Variants in LEAP2 observed in about 807,000 individuals in gnomAD.
LEAP2 encodes liver enriched antimicrobial peptide 2.
In LEAP2, 13 loss-of-function variants were observed where a neutral mutation model predicts 9.3. The ratio of observed to expected loss-of-function variants is 1.39; its 90% CI spans 0.91 to 2.21. The LOEUF (loss-of-function observed/expected upper bound fraction) is 2.21. Ranked by LOEUF, LEAP2 falls within the 30% of genes most tolerant of loss-of-function variation. The pLI, the probability that LEAP2 is intolerant of heterozygous loss-of-function variation, is 0.00. For missense variants in LEAP2, 98 were observed against 94.0 expected (o/e 1.04, Z -0.17); for synonymous variants, 34 against 34.9 (o/e 0.98, Z 0.09).
chr5:132,874,238 A>G, intron 2 of LEAP2, 149 bp downstream of exon 2: 1 of 1,039,530 alleles, frequency 9.6e-7, no homozygotes, highest in East Asian at 2.4e-5. Flanking sequence ...ATCCCTTAGG[A>G]GTTAGGAGCC....
rs565521095 is a variant in LEAP2 at position 132,873,797 on chromosome 5, G to A, written c.57+46G>A. 7.5e-6 allele frequency: 12 copies of A among 1,590,358 alleles called. No individual in the cohort carries two copies. In the South Asian group the frequency reaches 1.3e-4, roughly 18 times the overall value. On this transcript the variant is annotated intron_variant, in intron 1 of 2. Coordinates refer to ENST00000296877, the MANE Select transcript of LEAP2 (RefSeq NM_052971.3). The stretch of plus-strand genomic sequence containing the variant: ...ATGTGTGTGTGTGGAGTGTGGAGAT[G>A]ATAGTGGTGGTGGAACTTGAAAGCT...
At position 132,873,950 on chromosome 5, in the gene LEAP2, A is replaced by G. The variant is rs141549081; in HGVS notation, c.58A>G (p.Ile20Val). 1.8e-5 allele frequency: 29 copies of G among 1,613,972 alleles called. No individual in the cohort carries two copies. Among genetic ancestry groups the G allele is most frequent in the African/African-American group, 2.7e-5 (2 of 74,936 alleles). ...LMIFLLLLGQ[I>V]DGSPIPEVSS... ...TATCTGAATGTCTTTGCCCTTACAG[A>G]TAGATGGCTCCCCAATACCAGAAGT... Residue 20 changes from isoleucine to valine, a missense_variant and splice_region_variant, in exon 2 of 3, where the codon ATA (isoleucine) becomes GTA (valine). Transcript: ENST00000296877.
chr5:132,874,950 G>C lies in LEAP2; in HGVS notation c.*504G>C, dbSNP rs1759798373. The C allele has an allele frequency of 5.4e-6, 1 of 185,800 alleles. No individual in the cohort carries two copies. The highest frequency in any genetic ancestry group is 6.3e-5 in the Admixed American group (1 of 15,876). The allele number at this position is 185,800 out of a possible 1,614,324, so 11.5% of individuals were successfully genotyped here. ...GGAGGCTGAGGCAGGAGAATCACTTGAACCTGGGAGGTGGAGGTTGCAGTG... is the reference window on the plus strand; with the variant it reads ...GGAGGCTGAGGCAGGAGAATCACTTCAACCTGGGAGGTGGAGGTTGCAGTG... On this transcript the variant is annotated 3_prime_UTR_variant, in exon 3 of 3. Transcript: ENST00000296877.
Position 132,874,902 on chromosome 5 carries a change from G to A in LEAP2, c.*456G>A, listed in dbSNP as rs999651792. ...CCCTTCACTCCATACTCTTCAGGGAGGTGTCAAAGGTGGTCAAGCTTGGGA... is the reference window on the plus strand; with the variant it reads ...CCCTTCACTCCATACTCTTCAGGGAAGTGTCAAAGGTGGTCAAGCTTGGGA... On this transcript the variant is annotated 3_prime_UTR_variant, in exon 3 of 3. Transcript: ENST00000296877. The A allele has an allele frequency of 8.1e-6, 2 of 245,600 alleles. No homozygotes were observed. Among genetic ancestry groups the A allele is most frequent in the Non-Finnish European group, 1.6e-5 (2 of 124,764 alleles). The allele number at this position is 245,600 out of a possible 1,614,324, so 15.2% of individuals were successfully genotyped here.
chr5:132,873,828 C>G (rs1759775211), intron 1 of LEAP2, 77 bp downstream of exon 1: 2 of 1,575,062 alleles, frequency 1.3e-6, no homozygotes, highest in Non-Finnish European at 8.7e-7. Flanking sequence ...AAGCTAGATT[C>G]AGTCCTGAGG....
chr5:132,873,678 A>G lies in LEAP2; in HGVS notation c.-17A>G. 6.2e-7 allele frequency: 1 copy of G among 1,612,610 alleles called. No homozygotes were observed. The highest frequency in any genetic ancestry group is 1.3e-5 in the African/African-American group (1 of 74,858). On this transcript the variant is annotated 5_prime_UTR_variant, in exon 1 of 3. Transcript: ENST00000296877. ...CTGTCCCTGGCTTTCAGGCTCCAAC[A>G]TCCTCCCCCTGTCAAGATGTGGCAC...
chr5:132,874,124 A>G (rs1297030048), intron 2 of LEAP2, 35 bp downstream of exon 2: 14 of 1,599,248 alleles, frequency 8.8e-6, no homozygotes, highest in Admixed American at 1.7e-5. Flanking sequence ...GTTGGGCCAG[A>G]GAGCCCTGGG....
chr5:132,874,068 A>T lies in LEAP2; in HGVS notation c.176A>T (p.Glu59Val), dbSNP rs1375175019. 4 of 1,613,742 alleles carry T rather than the reference A, an allele frequency of 2.5e-6. No individual in the cohort carries two copies. The highest frequency in any genetic ancestry group is 3.4e-6 in the Non-Finnish European group (4 of 1,179,934). ...GGAGCCTCCTGCCGGGATGATTCTG[A>T]GTGTATCACAAGGCTATGCAGGTAC... is the stretch of plus-strand genomic sequence containing the variant. ...PIGASCRDDS[E>V]CITRLCRKRR... is the part of the protein sequence containing the mutation. The change falls in exon 2 of 3, where the codon GAG becomes GTG. Residue 59 changes from glutamate (E) to valine (V), a missense_variant. Glu to Val is a moderately radical substitution (Grantham distance 121). Transcript: ENST00000296877.
rs78152968 is a variant in LEAP2 at position 132,874,488 on chromosome 5, A to G, written c.*42A>G. ...AGAAAGGACAGCAGTCACCTCCGAC[A>G]ATGCTCCGTTCTATGGAATATTGAT... On this transcript the variant is annotated 3_prime_UTR_variant, in exon 3 of 3. Coordinates refer to ENST00000296877, the MANE Select transcript of LEAP2 (RefSeq NM_052971.3). 12 of 1,554,686 alleles carry G rather than the reference A, an allele frequency of 7.7e-6. No homozygotes were observed. The highest frequency in any genetic ancestry group is 1.1e-5 in the Non-Finnish European group (12 of 1,126,042).
intron 1 of LEAP2, 86 bp downstream of exon 1, chr5:132,873,837 G>A: frequency 3.8e-6 from 6 of 1,579,082 alleles, no homozygotes; most frequent in Admixed American, 1.7e-5. Context: ...TCAGTCCTGA[G>A]GAATGGTTCC....
At chr5:132,874,323 T>A in intron 2 of LEAP2, 87 bp from the exon 3 acceptor site, 1 of 1,217,148 alleles carries the variant, frequency 8.2e-7, no homozygotes, top group South Asian at 1.2e-5. Flanking sequence ...ACTGGACAGA[T>A]CAAGCAAAGA....
At position 132,873,996 on chromosome 5, in the gene LEAP2, C is replaced by T. The variant is rs1291808051; in HGVS notation, c.104C>T (p.Pro35Leu). The change falls in exon 2 of 3, where the codon CCA becomes CTA. Residue 35 changes from proline to leucine, a missense_variant. Transcript: ENST00000296877. ...GAAGTGAGTTCGGCAAAGAGAAGGCCACGGAGAATGACCCCATTTTGGAGA... is the reference window on the plus strand; with the variant it reads ...GAAGTGAGTTCGGCAAAGAGAAGGCTACGGAGAATGACCCCATTTTGGAGA... ...IPEVSSAKRRPRRMTPFWRGV... is the reference protein window; with the variant it reads ...IPEVSSAKRRLRRMTPFWRGV... 1 of 1,614,084 alleles carries T rather than the reference C, an allele frequency of 6.2e-7. No individual in the cohort carries two copies. Among genetic ancestry groups the T allele is most frequent in the South Asian group, 1.1e-5 (1 of 91,082 alleles).
rs1010881788 is a variant in LEAP2, at chr5:132,874,824, A to C, written c.*378A>C. ...CTGGAAAGTGTAGTGAGAGCTACATAATCAATAGCTACGTAATCAACTTCA... is the reference window on the plus strand; with the variant it reads ...CTGGAAAGTGTAGTGAGAGCTACATCATCAATAGCTACGTAATCAACTTCA... On this transcript the variant is annotated 3_prime_UTR_variant, in exon 3 of 3. Coordinates refer to ENST00000296877, the MANE Select transcript of LEAP2 (RefSeq NM_052971.3). 2.8e-6 allele frequency: 1 copy of C among 358,548 alleles called. No homozygotes were observed. Among genetic ancestry groups the C allele is most frequent in the African/African-American group, 2.1e-5 (1 of 46,934 alleles). 22.2% of individuals were successfully genotyped at this position (358,548 alleles called of 1,614,324 possible).
chr5:132,874,333 AG>A (rs1759786096), intron 2 of LEAP2, 76 bp from the exon 3 acceptor site: 1 of 1,274,612 alleles, frequency 7.8e-7, no homozygotes, highest in Non-Finnish European at 1.1e-6. Context: ...TCAAGCAAAG[AG>A]GAAGGAAATG....
In LEAP2 at chr5:132,874,726, G is replaced by C; in HGVS notation, c.*280G>C. ...TTAGCAGTCTGGAATTCAAGCTTTT[G>C]AGGGAAAGAAGGATTCATTTTGTAT... On this transcript the variant is annotated 3_prime_UTR_variant, in exon 3 of 3. Coordinates refer to ENST00000296877, the MANE Select transcript of LEAP2 (RefSeq NM_052971.3). The C allele has an allele frequency of 1.8e-6, 1 of 548,734 alleles. No individual in the cohort carries two copies. Among genetic ancestry groups the C allele is most frequent in the South Asian group, 2.1e-5 (1 of 48,674 alleles). 34.0% of individuals were successfully genotyped at this position (548,734 alleles called of 1,614,324 possible).
Position 132,874,544 on chromosome 5 carries a change from G to GAAGC in LEAP2, c.*101_*104dup. The GAAGC allele has an allele frequency of 9.9e-7, 1 of 1,013,740 alleles. No homozygotes were observed. Among genetic ancestry groups the GAAGC allele is most frequent in the South Asian group, 1.3e-5 (1 of 76,430 alleles). 62.8% of individuals were successfully genotyped at this position (1,013,740 alleles called of 1,614,324 possible). ...GCATTTTGGCTGGAGACACCCAAGTGAAGCAATCTTGTATTTTTAATATTT... is the reference window on the plus strand; with the variant it reads ...GCATTTTGGCTGGAGACACCCAAGTGAAGCAAGCAATCTTGTATTTTTAATATTT... On this transcript the variant is annotated 3_prime_UTR_variant, in exon 3 of 3. Coordinates refer to ENST00000296877, the MANE Select transcript of LEAP2 (RefSeq NM_052971.3).
intron 1 of LEAP2, 37 bp downstream of exon 1, chr5:132,873,788 T>C (rs889655461): frequency 1.3e-5 from 21 of 1,594,730 alleles, no homozygotes; most frequent in Non-Finnish European, 1.8e-5. Flanking sequence ...GTGTGTGGAG[T>C]GTGGAGATGA....
chr5:132,874,090 G>T lies in LEAP2; in HGVS notation c.197+1G>T. 1.9e-6 allele frequency: 3 copies of T among 1,611,526 alleles called. No homozygotes were observed. Among genetic ancestry groups the T allele is most frequent in the Non-Finnish European group, 2.5e-6 (3 of 1,178,350 alleles). ...CTGAGTGTATCACAAGGCTATGCAG[G>T]TACTCCCTGAACCTGGGAGCAGGGT... is the stretch of plus-strand genomic sequence containing the variant. On this transcript the variant is annotated splice_donor_variant, in intron 2 of 2. Transcript: ENST00000296877. LOFTEE classifies it high-confidence loss of function.
rs777191065 is a variant in LEAP2, at chr5:132,874,484, C to T, written c.*38C>T. On this transcript the variant is annotated 3_prime_UTR_variant, in exon 3 of 3. Transcript: ENST00000296877. ...GGAAAGAAAGGACAGCAGTCACCTC[C>T]GACAATGCTCCGTTCTATGGAATAT... The T allele has an allele frequency of 6.7e-5, 105 of 1,566,676 alleles. No individual in the cohort carries two copies. The East Asian group carries it at 1.0e-3, about 15-fold the overall frequency.
Sources: gnomAD v4.1 joint callset for allele counts on GRCh38, gnomAD v4.1.1 for gene constraint, MANE v1.5 for transcripts, NCBI Gene and HGNC (gene_info 2026-07-23, HGNC 2026-07-21) for gene names.